The following FAT3 variants were observed in gnomAD, a reference collection of about 807,000 sequenced individuals.
The protein encoded by FAT3 is protocadherin Fat 3.
FAT3 carries 95 observed loss-of-function variants against 310.2 expected under a neutral mutation model. The ratio of observed to expected loss-of-function variants is 0.31; its 90% CI spans 0.26 to 0.36. The LOEUF (loss-of-function observed/expected upper bound fraction) is 0.36, where lower values mean the gene tolerates loss of function less well. Ranked by LOEUF, FAT3 falls within the 10% of genes least tolerant of loss-of-function variation. FAT3 has a pLI of 1.00. For synonymous variants in FAT3, 2,314 were observed against 2,192.9 expected, an observed-to-expected ratio of 1.06 and a Z score of -1.54; for missense variants, 5,408 against 5,715.6, an observed-to-expected ratio of 0.95 and a Z score of 1.74.
rs1108156 is a variant in FAT3, at chr11:92,494,304, G to A, written c.3293-30330G>A. Among the ~76,000 whole-genome samples, 811 of 152,012 alleles carry A rather than the reference G, an allele frequency of 5.3e-3. 5 individuals carry two copies. Among genetic ancestry groups the A allele is most frequent in the Middle Eastern group, 0.017 (5 of 294 alleles). On this transcript the variant is annotated intron_variant, in intron 2 of 27. Transcript: ENST00000525166. ...TTGGTTGGGGACACAGAGCCAAACC[G>A]TATCATGTGGCTACTATCATCTACT...
chr11:92,641,669 G>T (rs1322746638), intron 3 of FAT3, among the ~76,000 whole-genome samples: 1 of 152,200 alleles, frequency 6.6e-6, no homozygotes, highest in Non-Finnish European at 1.5e-5. Context: ...AATCTAGGAT[G>T]ATCTCATCTT....
rs749351331 is a variant in FAT3, at chr11:92,843,976, A to G, written c.10609A>G (p.Ile3537Val). 1.1e-5 allele frequency: 17 copies of G among 1,612,948 alleles called. No individual in the cohort carries two copies. The highest frequency in any genetic ancestry group is 5.5e-5 in the South Asian group (5 of 90,986). ...ACCCCAGCAAGTTTCTCACACTTAC[A>G]TCCGCGTGCGAGTCATTGAGGAAAG... ...GKPQQVSHTY[I>V]RVRVIEESTH... Residue 3537 changes from isoleucine (I) to valine (V), a missense_variant, in exon 19 of 28, where the codon ATC (isoleucine) becomes GTC (valine). Physicochemically the swap from Ile to Val is conservative, Grantham distance 29. This residue lies in a region of FAT3 where 4,588 missense variants were observed against 4,809.8 expected (regional missense o/e 0.95). Transcript: ENST00000525166.
Position 92,353,176 on chromosome 11 carries a change from A to T in FAT3, c.1064A>T (p.Lys355Ile). The T allele has an allele frequency of 6.2e-7, 1 of 1,613,720 alleles. No individual in the cohort carries two copies. Among genetic ancestry groups the T allele is most frequent in the Non-Finnish European group, 8.5e-7 (1 of 1,179,846 alleles). Reference protein sequence around the residue: ...LQAKDKGSPQKCSALKAVYIG... With the variant: ...LQAKDKGSPQICSALKAVYIG... ...GCAAAAGACAAGGGATCTCCTCAAA[A>T]ATGTTCAGCATTAAAGGCAGTCTAC... is the stretch of plus-strand genomic sequence containing the variant. The change falls in exon 2 of 28, where the codon AAA becomes ATA. Residue 355 changes from lysine (K) to isoleucine (I), a missense_variant. Coordinates refer to ENST00000525166, the MANE Select transcript of FAT3 (RefSeq NM_001367949.2).
chr11:92,251,185 T>C (rs1332564951), intron 1 of FAT3, among the ~76,000 whole-genome samples: 2 of 152,142 alleles, frequency 1.3e-5, no homozygotes, highest in African/African-American at 4.8e-5. Flanking sequence ...CTAGGTACTG[T>C]CTAGATAGTC....
chr11:92,799,924 C>A lies in FAT3; in HGVS notation c.6911C>A (p.Thr2304Lys), dbSNP rs775872082. ...CTATCAGAAGCATCTCTTATTGGGA[C>A]ACCTGTTTTACAAGTTGTCTCTATT... ...TTLSEASLIGTPVLQVVSIDA... is the reference protein window; with the variant it reads ...TTLSEASLIGKPVLQVVSIDA... Residue 2304 changes from threonine (T) to lysine (K), a missense_variant, in exon 10 of 28, where the codon ACA becomes AAA. Physicochemically the swap from Thr to Lys is moderately conservative, Grantham distance 78 (BLOSUM62 -1). Transcript: ENST00000525166. 2 of 1,612,608 alleles carry A rather than the reference C, an allele frequency of 1.2e-6. No homozygotes were observed. The highest frequency in any genetic ancestry group is 1.7e-6 in the Non-Finnish European group (2 of 1,179,288).
At chr11:92,793,339 A>G (rs1947085057) in intron 9 of FAT3, among the ~76,000 whole-genome samples, 1 of 152,174 alleles carries the variant, frequency 6.6e-6, no homozygotes, top group East Asian at 1.9e-4. Context: ...GAGGCCTGCC[A>G]GGGTGTTCTG....
intron 1 of FAT3, among the ~76,000 whole-genome samples, chr11:92,226,235 G>T (rs937079970): frequency 2.0e-5 from 3 of 152,194 alleles, no homozygotes; most frequent in African/African-American, 7.2e-5. Context: ...CCCCCGGCTT[G>T]CATGATGGCG....
chr11:92,423,315 A>G (rs1446813567), intron 2 of FAT3, among the ~76,000 whole-genome samples: 1 of 152,202 alleles, frequency 6.6e-6, no homozygotes, highest in African/African-American at 2.4e-5. Flanking sequence ...ATAATAAAAT[A>G]TAAAACAGCT....
chr11:92,786,758 C>G (rs1313106976), intron 7 of FAT3, among the ~76,000 whole-genome samples: 2 of 152,088 alleles, frequency 1.3e-5, no homozygotes, highest in African/African-American at 4.8e-5. Context: ...AATTCTAGAA[C>G]CAAATATATG....
rs891040440 is a variant in FAT3, at chr11:92,844,322, G to T, written c.10955G>T (p.Arg3652Leu). ...HEMLQNTVTI[R>L]FENVSPEDFV... The stretch of plus-strand genomic sequence containing the variant: ...ATGCTGCAGAACACTGTCACCATCC[G>T]CTTTGAAAATGTGTCCCCTGAGGAC... Residue 3652 changes from arginine (R) to leucine (L), a missense_variant, in exon 19 of 28, where the codon CGC (arginine) becomes CTC (leucine). By Grantham distance (102) the Arg-to-Leu change is moderately radical. Transcript: ENST00000525166. 6.2e-7 allele frequency: 1 copy of T among 1,613,948 alleles called. No homozygotes were observed. The highest frequency in any genetic ancestry group is 8.5e-7 in the Non-Finnish European group (1 of 1,179,900).
At chr11:92,707,260 G>A (rs1182945994) in intron 4 of FAT3, among the ~76,000 whole-genome samples, 2 of 152,318 alleles carry the variant, frequency 1.3e-5, no homozygotes, top group East Asian at 1.9e-4. Flanking sequence ...CCTGGCAATG[G>A]AAATGAGCCA....
intron 2 of FAT3, among the ~76,000 whole-genome samples, chr11:92,427,813 T>C (rs985902000): frequency 6.6e-6 from 1 of 152,202 alleles, no homozygotes; most frequent in African/African-American, 2.4e-5. Flanking sequence ...TCATCAGGAA[T>C]ATTGGCATGA....
intron 3 of FAT3, among the ~76,000 whole-genome samples, chr11:92,566,447 A>C (rs1955448215): frequency 6.6e-6 from 1 of 151,940 alleles, no homozygotes; most frequent in Non-Finnish European, 1.5e-5. Context: ...ATATCGTGAA[A>C]ATGGCCATAC....
At chr11:92,870,389 C>T (rs374740324) in intron 22 of FAT3, among the ~76,000 whole-genome samples, 2 of 152,022 alleles carry the variant, frequency 1.3e-5, no homozygotes, top group Non-Finnish European at 2.9e-5. Context: ...AGTCAGATTC[C>T]AGAACACTGA....
intron 2 of FAT3, among the ~76,000 whole-genome samples, chr11:92,478,886 G>T (rs982119113): frequency 6.6e-6 from 1 of 151,318 alleles, no homozygotes; most frequent in African/African-American, 2.4e-5. Context: ...AAAGTGCAGG[G>T]ACTACAGGCA....
intron 3 of FAT3, among the ~76,000 whole-genome samples, chr11:92,668,502 G>C (rs887347951): frequency 3.3e-5 from 5 of 152,154 alleles, no homozygotes; most frequent in Non-Finnish European, 7.3e-5. Context: ...TTGCCATGGG[G>C]ATGGAGAAAT....
At chr11:92,271,398 A>G (rs1310642343) in intron 1 of FAT3, among the ~76,000 whole-genome samples, 1 of 151,948 alleles carries the variant, frequency 6.6e-6, no homozygotes, top group Non-Finnish European at 1.5e-5. Context: ...ACTCCCCTCC[A>G]AGCAGCCATT....
At chr11:92,414,206 T>C (rs911610642) in intron 2 of FAT3, among the ~76,000 whole-genome samples, 1 of 152,142 alleles carries the variant, frequency 6.6e-6, no homozygotes, top group Non-Finnish European at 1.5e-5. Flanking sequence ...CTAACAAAAT[T>C]CACATGTCTA....
chr11:92,355,028 C>T lies in FAT3; in HGVS notation c.2916C>T (p.Arg972=). Residue 972 remains arginine (R), a synonymous_variant, in exon 2 of 28, where the codon CGC becomes CGT. Coordinates refer to ENST00000525166, the MANE Select transcript of FAT3 (RefSeq NM_001367949.2). Reference sequence around the variant, plus strand: ...ATCTTGGACTGGGGGGTCAAGTGCGCTATTCTTTGGTCAATGACTATAATG... The same window carrying T: ...ATCTTGGACTGGGGGGTCAAGTGCGTTATTCTTTGGTCAATGACTATAATG... ...DPDLGLGGQV[R]YSLVNDYNGR... 3 of 1,613,774 alleles carry T rather than the reference C, an allele frequency of 1.9e-6. No individual in the cohort carries two copies. Among genetic ancestry groups the T allele is most frequent in the Non-Finnish European group, 1.7e-6 (2 of 1,179,866 alleles).
Sources: allele counts gnomAD v4.1 joint callset (sites outside exome capture counted in the v4.1 genomes callset), GRCh38; gene constraint gnomAD v4.1.1; regional missense constraint gnomAD v4.1.1; transcripts MANE v1.5; gene names NCBI Gene and HGNC (gene_info 2026-07-23, HGNC 2026-07-21).